The following GFOD1 variants were observed in gnomAD, a reference collection of about 807,000 sequenced individuals.
GFOD1 encodes the protein glucose-fructose oxidoreductase domain-containing protein 1.
A neutral mutation model predicts 25.4 loss-of-function variants in GFOD1; 9 were observed. That is an observed-to-expected ratio of 0.35 (90% confidence interval 0.21 to 0.62). GFOD1 has a LOEUF of 0.62. Ranked by LOEUF, GFOD1 falls within the 20% of genes least tolerant of loss-of-function variation. The probability of loss-of-function intolerance (pLI) is 0.72; values close to 1 mark genes in which losing one functional copy is unlikely to be tolerated. For synonymous variants in GFOD1, 253 were observed against 245.6 expected (o/e 1.03, Z -0.28); for missense variants, 403 against 556.9 (o/e 0.72, Z 2.78).
At position 13,452,994 on chromosome 6, in the gene GFOD1, C is replaced by T. The variant is rs915522831; in HGVS notation, c.253+33644G>A. On this transcript the variant is annotated intron_variant, in intron 1 of 1. Transcript: ENST00000379287. ...CATTTACTGGATGTTACGTACCATC[C>T]CTGGTGTTTTTCAGCAAACTTTGTG... 1.3e-5 allele frequency among the ~76,000 whole-genome samples: 2 copies of T among 152,296 alleles called. 1 individual carries two copies. The highest frequency in any genetic ancestry group is 4.1e-4 in the South Asian group (2 of 4,830).
intron 1 of GFOD1, among the ~76,000 whole-genome samples, chr6:13,460,654 G>A (rs2494770): frequency 0.52 from 77,597 of 149,642 alleles, 20,382 homozygotes; most frequent in Middle Eastern, 0.66. Context: ...AACACACACC[G>A]GGGCCTGTTG....
chr6:13,419,904 T>G (rs1235998698), intron 1 of GFOD1, among the ~76,000 whole-genome samples: 1 of 152,204 alleles, frequency 6.6e-6, no homozygotes. Flanking sequence ...GGCACTTTGC[T>G]CACCCCTCGC....
chr6:13,454,566 T>C (rs1257219611), intron 1 of GFOD1, among the ~76,000 whole-genome samples: 1 of 151,878 alleles, frequency 6.6e-6, no homozygotes, highest in Admixed American at 6.6e-5. Flanking sequence ...AAAAGGAAAC[T>C]AGAAACCCAA....
intron 1 of GFOD1, among the ~76,000 whole-genome samples, chr6:13,423,159 A>G (rs183101522): frequency 1.3e-5 from 2 of 151,188 alleles, no homozygotes; most frequent in African/African-American, 4.9e-5. Flanking sequence ...CCAAAAGACA[A>G]TAAGGGAATG....
At chr6:13,448,179 G>A (rs1271309661) in intron 1 of GFOD1, among the ~76,000 whole-genome samples, 1 of 152,210 alleles carries the variant, frequency 6.6e-6, no homozygotes, top group Non-Finnish European at 1.5e-5. Flanking sequence ...GGCTTCAGCA[G>A]TTCCTTCAAA....
chr6:13,465,560 T>C (rs1758365570), intron 1 of GFOD1, among the ~76,000 whole-genome samples: 2 of 152,170 alleles, frequency 1.3e-5, no homozygotes, highest in Admixed American at 6.5e-5. Context: ...TTGAGGAGCT[T>C]TAAAAAACAT....
chr6:13,460,265 A>G (rs1303577179), intron 1 of GFOD1, among the ~76,000 whole-genome samples: 2 of 152,244 alleles, frequency 1.3e-5, no homozygotes, highest in Non-Finnish European at 2.9e-5. Flanking sequence ...TGATTCCTCA[A>G]GAATCTAGAG....
chr6:13,394,692 G>A (rs1256896555), intron 1 of GFOD1, among the ~76,000 whole-genome samples: 1 of 151,764 alleles, frequency 6.6e-6, no homozygotes, highest in Non-Finnish European at 1.5e-5. Context: ...GAGTGCAGTG[G>A]CATGATCTCA....
At chr6:13,391,853 G>A (rs930049684) in intron 1 of GFOD1, among the ~76,000 whole-genome samples, 1 of 152,228 alleles carries the variant, frequency 6.6e-6, no homozygotes, top group Admixed American at 6.5e-5. Flanking sequence ...CACAGTCCAT[G>A]TTCAATCAAT....
At chr6:13,414,440 C>G (rs1289640255) in intron 1 of GFOD1, among the ~76,000 whole-genome samples, 1 of 152,232 alleles carries the variant, frequency 6.6e-6, no homozygotes, top group Non-Finnish European at 1.5e-5. Context: ...AGAAGCTGAG[C>G]TGTTTGTCTT....
chr6:13,469,335 C>G (rs1758435940), intron 1 of GFOD1: 1 of 984,762 alleles, frequency 1.0e-6, no homozygotes. Context: ...TTATAATCAA[C>G]AGAGAAGTGA....
intron 1 of GFOD1, among the ~76,000 whole-genome samples, chr6:13,440,615 G>A (rs1010106949): frequency 1.3e-5 from 2 of 152,216 alleles, no homozygotes; most frequent in African/African-American, 4.8e-5. Context: ...CAAGAGTTCG[G>A]ACTTCCTCCC....
At chr6:13,403,665 G>C (rs1785892247) in intron 1 of GFOD1, among the ~76,000 whole-genome samples, 1 of 152,156 alleles carries the variant, frequency 6.6e-6, no homozygotes, top group Non-Finnish European at 1.5e-5. Flanking sequence ...AGACTGTATA[G>C]CCATATGATG....
At chr6:13,366,577 G>A (rs1002039914) in intron 1 of GFOD1, among the ~76,000 whole-genome samples, 4 of 151,558 alleles carry the variant, frequency 2.6e-5, no homozygotes, top group Admixed American at 6.6e-5. Context: ...CTCATGATCC[G>A]CCCACCTCAG....
intron 1 of GFOD1, among the ~76,000 whole-genome samples, chr6:13,400,157 G>A (rs1207847573): frequency 6.6e-6 from 1 of 152,116 alleles, no homozygotes; most frequent in Non-Finnish European, 1.5e-5. Context: ...CATAGTGCAG[G>A]CCAATACACT....
At chr6:13,449,789 C>A (rs1219033226) in intron 1 of GFOD1, among the ~76,000 whole-genome samples, 1 of 152,204 alleles carries the variant, frequency 6.6e-6, no homozygotes, top group African/African-American at 2.4e-5. Context: ...TCCCCAGCCA[C>A]ATGGAACTGT....
chr6:13,432,583 T>C (rs1757768484), intron 1 of GFOD1, among the ~76,000 whole-genome samples: 1 of 152,110 alleles, frequency 6.6e-6, no homozygotes, highest in Non-Finnish European at 1.5e-5. Context: ...TATTTCCACG[T>C]CAGCCAAAGG....
At chr6:13,413,099 G>A (rs977056391) in intron 1 of GFOD1, among the ~76,000 whole-genome samples, 10 of 152,168 alleles carry the variant, frequency 6.6e-5, no homozygotes, top group East Asian at 1.9e-4. Context: ...AACATGTTCC[G>A]CTGGAGTGCC....
At chr6:13,422,842 T>C (rs945064768) in intron 1 of GFOD1, among the ~76,000 whole-genome samples, 11 of 152,210 alleles carry the variant, frequency 7.2e-5, no homozygotes, top group African/African-American at 2.7e-4. Context: ...CTGGTGGGAA[T>C]GTCTTGGCCT....
Sources: allele counts gnomAD v4.1 joint callset (sites outside exome capture counted in the v4.1 genomes callset), GRCh38; gene constraint gnomAD v4.1.1; transcripts MANE v1.5; gene names NCBI Gene and HGNC (gene_info 2026-07-23, HGNC 2026-07-21).